ZSCAN5A: variants seen among roughly 807,000 people sequenced by gnomAD.
ZSCAN5A encodes the protein zinc finger and SCAN domain containing 5A.
A neutral mutation model predicts 23.7 loss-of-function variants in ZSCAN5A; 12 were observed. The ratio of observed to expected loss-of-function variants is 0.51; its 90% CI spans 0.32 to 0.82. The LOEUF is 0.82. Among genes scored for constraint, ZSCAN5A ranks in the 40% least tolerant of loss-of-function variants. The probability of loss-of-function intolerance (pLI) is 0.03; values close to 1 mark genes in which losing one functional copy is unlikely to be tolerated. For synonymous variants in ZSCAN5A, 257 were observed against 239.9 expected, an observed-to-expected ratio of 1.07 and a Z score of -0.66; for missense variants, 597 against 617.9, an observed-to-expected ratio of 0.97 and a Z score of 0.36.
chr19:56,352,201 ACG>A lies in ZSCAN5A; in HGVS notation c.-358+11032_-358+11033del, dbSNP rs201559754. Reference sequence around the variant, plus strand: ...ACTGCAAGCTCCGCCTCCTGGATTCACGCCATTCTCCTGCCTCAGCCTCCCAA... The same window carrying A: ...ACTGCAAGCTCCGCCTCCTGGATTCACCATTCTCCTGCCTCAGCCTCCCAA... On this transcript the variant is annotated intron_variant, in intron 2 of 6. Transcript: ENST00000587340. This position sits in a 1 kb window ranked among gnomAD's most constrained non-coding sequence, Gnocchi z 4.2. Among the ~76,000 whole-genome samples the A allele has an allele frequency of 0.012, 1,755 of 152,272 alleles. 28 individuals carry two copies. The highest frequency in any genetic ancestry group is 0.04 in the African/African-American group (1,661 of 41,530).
In ZSCAN5A at chr19:56,314,837, A is replaced by G. The variant is rs1464419686; in HGVS notation, c.-386T>C. On this transcript the variant is annotated 5_prime_UTR_variant, in exon 1 of 6. An upstream start codon of the reference 5' UTR is lost. Coordinates refer to ENST00000683990, the MANE Select transcript of ZSCAN5A (RefSeq NM_001322064.3). The stretch of plus-strand genomic sequence containing the variant: ...TGGATCGGGAACTTGTCGCATTCAC[A>G]TTGGCTGCTAGGAGGCCTCGGCGAC... 3 of 152,360 alleles carry G rather than the reference A, an allele frequency of 2.0e-5. No homozygotes were observed. The highest frequency in any genetic ancestry group is 3.4e-3 in the Middle Eastern group (1 of 296). 9.4% of individuals were successfully genotyped at this position (152,360 alleles called of 1,614,324 possible).
At chr19:56,240,496 A>G (rs935373986) in intron 2 of ZSCAN5A, among the ~76,000 whole-genome samples, 2 of 152,152 alleles carry the variant, frequency 1.3e-5, no homozygotes, top group African/African-American at 4.8e-5. Flanking sequence ...TGGAGAGTGC[A>G]TCCCAGATGC....
At position 56,230,185 on chromosome 19, in the gene ZSCAN5A, C is replaced by T. The variant is rs572192775; in HGVS notation, c.-127-5012G>A. ...CACTGCAACCTCTGCCTCTTGGGTT[C>T]GAGCAATTATTTGCCTCAGCCTCCC... is the stretch of plus-strand genomic sequence containing the variant. On this transcript the variant is annotated intron_variant, in intron 2 of 5. Transcript: ENST00000683990. Among the ~76,000 whole-genome samples, 4 of 152,244 alleles carry T rather than the reference C, an allele frequency of 2.6e-5. No homozygotes were observed. The East Asian group carries it at 7.7e-4, about 29-fold the overall frequency.
At chr19:56,273,210 C>T (rs2037982507) in intron 2 of ZSCAN5A, among the ~76,000 whole-genome samples, 1 of 152,202 alleles carries the variant, frequency 6.6e-6, no homozygotes. Context: ...ACCAACGGGG[C>T]TCACAAGAAT....
At chr19:56,245,456 G>A (rs1398418946) in intron 2 of ZSCAN5A, 4 of 605,144 alleles carry the variant, frequency 6.6e-6, no homozygotes, top group Non-Finnish European at 1.2e-5. Context: ...TGTCTGGGCA[G>A]AGGTGGGAGA....
chr19:56,320,719 A>G, intron 2 of ZSCAN5A: 1 of 1,194,574 alleles, frequency 8.4e-7, no homozygotes, highest in Non-Finnish European at 1.3e-6. Context: ...CTGCTTCAAT[A>G]TATGGAAATT....
intron 2 of ZSCAN5A, chr19:56,284,313 G>C (rs767584479): frequency 1.0e-5 from 3 of 297,210 alleles, no homozygotes; most frequent in South Asian, 1.3e-4. Flanking sequence ...GTATTCATTG[G>C]TGGGTTTTAG....
At chr19:56,280,555 C>T (rs964044094) in intron 2 of ZSCAN5A, 2 of 152,036 alleles carry the variant, frequency 1.3e-5, no homozygotes, top group South Asian at 2.1e-4. Flanking sequence ...TAACCACTGT[C>T]GTAGTCTGTT....
At chr19:56,238,159 C>G (rs965103288) in intron 2 of ZSCAN5A, among the ~76,000 whole-genome samples, 1 of 151,730 alleles carries the variant, frequency 6.6e-6, no homozygotes, top group African/African-American at 2.4e-5. Context: ...CACATACGCA[C>G]ACATACACAC....
At chr19:56,262,732 C>T (rs2037214996) in intron 2 of ZSCAN5A, among the ~76,000 whole-genome samples, 1 of 152,112 alleles carries the variant, frequency 6.6e-6, no homozygotes, top group Non-Finnish European at 1.5e-5. Flanking sequence ...GCGCCCGGCC[C>T]TGATTTTCAT....
chr19:56,254,460 A>G (rs1015993749), intron 2 of ZSCAN5A, among the ~76,000 whole-genome samples: 5 of 152,182 alleles, frequency 3.3e-5, no homozygotes, highest in African/African-American at 1.2e-4. Context: ...AAGGGGAATA[A>G]TATTCCATTG....
In ZSCAN5A at chr19:56,247,840, T is replaced by C. The variant is rs544306017; in HGVS notation, c.-127-22667A>G. ...CCGAGTAGCTGGGACTACAGGCGCC[T>C]GCCACCATGCCCGGCTAATTTTTTG... is the stretch of plus-strand genomic sequence containing the variant. On this transcript the variant is annotated intron_variant, in intron 2 of 5. Coordinates refer to ENST00000683990, the MANE Select transcript of ZSCAN5A (RefSeq NM_001322064.3). 8.2e-3 allele frequency among the ~76,000 whole-genome samples: 1,254 copies of C among 152,096 alleles called. 15 individuals are homozygous for C. The highest frequency in any genetic ancestry group is 0.027 in the African/African-American group (1,103 of 41,492).
At chr19:56,347,322 C>A (rs1391359103) in intron 2 of ZSCAN5A, 2 of 152,118 alleles carry the variant, frequency 1.3e-5, no homozygotes, top group Admixed American at 6.5e-5. Flanking sequence ...GTGATAGGCG[C>A]GGGGCTTTGG....
intron 2 of ZSCAN5A, among the ~76,000 whole-genome samples, chr19:56,232,356 C>T (rs763928874): frequency 2.0e-5 from 3 of 152,092 alleles, no homozygotes; most frequent in South Asian, 2.1e-4. Flanking sequence ...CTTTCACCTT[C>T]GTAACTATTT....
chr19:56,275,802 G>A (rs2038203048), intron 2 of ZSCAN5A, among the ~76,000 whole-genome samples: 1 of 152,188 alleles, frequency 6.6e-6, no homozygotes, highest in African/African-American at 2.4e-5. Flanking sequence ...AGCAGGGGCT[G>A]AATCTGATTT....
At chr19:56,321,635 G>T in intron 2 of ZSCAN5A, 1 of 879,438 alleles carries the variant, frequency 1.1e-6, no homozygotes, top group Non-Finnish European at 2.0e-6. Context: ...GTTCATCCAT[G>T]CATCGTTATG....
chr19:56,244,001 A>T, intron 2 of ZSCAN5A: 1 of 716,644 alleles, frequency 1.4e-6, no homozygotes, highest in South Asian at 1.8e-5. Flanking sequence ...CAGCTACTGG[A>T]AGAACTTTCT....
At chr19:56,272,976 C>A in intron 2 of ZSCAN5A, 1 of 765,156 alleles carries the variant, frequency 1.3e-6, no homozygotes, top group Non-Finnish European at 1.6e-6. Context: ...ACTTGGGAGG[C>A]TCTTGTGGGC....
At chr19:56,311,271 G>C (rs1372851727) in intron 2 of ZSCAN5A, among the ~76,000 whole-genome samples, 5 of 151,784 alleles carry the variant, frequency 3.3e-5, no homozygotes, top group African/African-American at 1.2e-4. Flanking sequence ...CATATTTTTT[G>C]TTGTTGCTCT....
Sources: gnomAD v4.1 joint callset for allele counts (sites outside exome capture counted in the v4.1 genomes callset) on GRCh38, gnomAD v4.1.1 for gene constraint, Gnocchi (gnomAD v3.1) non-coding constraint, MANE v1.5 for transcripts, NCBI Gene and HGNC (gene_info 2026-07-23, HGNC 2026-07-21) for gene names.